The following NOX4 variants were observed in gnomAD, a reference collection of about 807,000 sequenced individuals.
NOX4 encodes kidney oxidase-1.
Under a neutral mutation model 87.6 loss-of-function variants are expected in NOX4, and 69 were observed. The ratio of observed to expected loss-of-function variants is 0.79; its 90% CI spans 0.65 to 0.96. The LOEUF (loss-of-function observed/expected upper bound fraction) is 0.96. NOX4 is among the 40% of genes least tolerant of loss of function. NOX4 has a pLI of 0.00. For missense variants in NOX4, 680 were observed against 681.5 expected (o/e 1.00, Z 0.02); for synonymous variants, 275 against 238.2 (o/e 1.15, Z -1.42).
chr11:89,568,243 C>G, the NOX4 span, among the ~76,000 whole-genome samples: 1 of 151,936 alleles, frequency 6.6e-6, no homozygotes, highest in Admixed American at 6.6e-5. Context: ...TACTAAAATC[C>G]GAGCTGAACT....
the NOX4 span, among the ~76,000 whole-genome samples, chr11:89,514,649 GGTTT>G: frequency 1.1e-4 from 16 of 151,650 alleles, no homozygotes; most frequent in Admixed American, 2.0e-4. Flanking sequence ...TTAAGTTGAG[GGTTT>G]GTTTGTTTGT....
the NOX4 span, among the ~76,000 whole-genome samples, chr11:89,507,330 A>G: frequency 6.6e-6 from 1 of 151,722 alleles, no homozygotes; most frequent in Non-Finnish European, 1.5e-5. Context: ...AATGTTAACT[A>G]TGACTCAGTA....
chr11:89,536,447 T>A, the NOX4 span, among the ~76,000 whole-genome samples: 1 of 152,086 alleles, frequency 6.6e-6, no homozygotes, highest in Non-Finnish European at 1.5e-5. Flanking sequence ...TGCCCAGCGA[T>A]CTGGTCCTTT....
At chr11:89,466,620 G>A (rs1945707990) in intron 2 of NOX4, among the ~76,000 whole-genome samples, 1 of 152,164 alleles carries the variant, frequency 6.6e-6, no homozygotes, top group Non-Finnish European at 1.5e-5. Flanking sequence ...GACACTAGGA[G>A]TTCAATAGTG....
the NOX4 span, among the ~76,000 whole-genome samples, chr11:89,522,355 T>C: frequency 6.6e-6 from 1 of 152,136 alleles, no homozygotes; most frequent in African/African-American, 2.4e-5. Flanking sequence ...ATGTCCCTTG[T>C]AGCAACAAGA....
intron 7 of NOX4, among the ~76,000 whole-genome samples, chr11:89,428,289 T>C (rs1174774537): frequency 6.9e-6 from 1 of 145,118 alleles, no homozygotes; most frequent in Non-Finnish European, 1.5e-5. Flanking sequence ...AGACCATCGA[T>C]GCTAGAAGAA....
the NOX4 span, among the ~76,000 whole-genome samples, chr11:89,512,167 A>G: frequency 6.6e-6 from 1 of 152,070 alleles, no homozygotes; most frequent in Non-Finnish European, 1.5e-5. Context: ...CATTTTAAAG[A>G]GTTTGGACAT....
intron 12 of NOX4, among the ~76,000 whole-genome samples, chr11:89,370,364 A>G (rs552335514): frequency 6.6e-6 from 1 of 151,918 alleles, no homozygotes; most frequent in East Asian, 1.9e-4. Flanking sequence ...TACATTAATT[A>G]CATGTGGATG....
intron 11 of NOX4, among the ~76,000 whole-genome samples, chr11:89,375,652 T>A (rs1018353663): frequency 3.9e-5 from 6 of 152,204 alleles, no homozygotes; most frequent in African/African-American, 1.4e-4. Context: ...AGTTTTGTCA[T>A]CAGTAAATCT....
chr11:89,368,622 G>T (rs540635587), intron 12 of NOX4, among the ~76,000 whole-genome samples: 2 of 152,144 alleles, frequency 1.3e-5, no homozygotes, highest in African/African-American at 2.4e-5. Flanking sequence ...ATCCATGAGG[G>T]CTTTATTCTC....
chr11:89,512,757 A>G, the NOX4 span, among the ~76,000 whole-genome samples: 1 of 152,104 alleles, frequency 6.6e-6, no homozygotes, highest in Admixed American at 6.6e-5. Flanking sequence ...TCACTTGACC[A>G]TTAAATTCTT....
At chr11:89,468,697 C>T (rs1945806585) in intron 2 of NOX4, among the ~76,000 whole-genome samples, 1 of 152,022 alleles carries the variant, frequency 6.6e-6, no homozygotes, top group African/African-American at 2.4e-5. Context: ...ATTCTGTATT[C>T]TTATATTTTT....
chr11:89,340,765 G>T (rs561729574), intron 14 of NOX4, among the ~76,000 whole-genome samples: 23 of 152,124 alleles, frequency 1.5e-4, no homozygotes, highest in Non-Finnish European at 2.9e-4. Flanking sequence ...TAGGCTTGAG[G>T]TTAAGAAAAT....
intron 2 of NOX4, among the ~76,000 whole-genome samples, chr11:89,465,945 G>C (rs1486871908): frequency 6.6e-6 from 1 of 151,622 alleles, no homozygotes; most frequent in Non-Finnish European, 1.5e-5. Flanking sequence ...ACTCTGATGG[G>C]ATCTGATTAA....
rs184031566 is a variant in NOX4 at position 89,472,245 on chromosome 11, T to C, written c.153+18213A>G. On this transcript the variant is annotated intron_variant, in intron 2 of 17. Coordinates refer to ENST00000263317, the MANE Select transcript of NOX4 (RefSeq NM_016931.5). Reference sequence around the variant, plus strand: ...TCATGTATGTACCTTAATGCCATAATAAACCATAATTCATTCCAAATGATC... The same window carrying C: ...TCATGTATGTACCTTAATGCCATAACAAACCATAATTCATTCCAAATGATC... Among the ~76,000 whole-genome samples, 458 of 152,284 alleles carry C rather than the reference T, an allele frequency of 3.0e-3. 3 individuals are homozygous for C. Among genetic ancestry groups the C allele is most frequent in the African/African-American group, 9.3e-3 (387 of 41,562 alleles).
chr11:89,402,244 C>G (rs1026774551), intron 9 of NOX4, 82 bp downstream of exon 9: 2 of 1,036,088 alleles, frequency 1.9e-6, no homozygotes, highest in African/African-American at 1.6e-5. Context: ...GAATATATAG[C>G]TTGAAAAACA....
At position 89,333,112 on chromosome 11, in the gene NOX4, T is replaced by C. The variant is rs530863591; in HGVS notation, c.1616+2733A>G. Among the ~76,000 whole-genome samples, 7 of 151,972 alleles carry C rather than the reference T, an allele frequency of 4.6e-5. No individual in the cohort carries two copies. In the South Asian group the frequency reaches 1.4e-3, roughly 31 times the overall value. Reference sequence around the variant, plus strand: ...AAAGATAATTACCACAGCACTATTTTTAACTGTAAAGAAATATAAGTTATC... The same window carrying C: ...AAAGATAATTACCACAGCACTATTTCTAACTGTAAAGAAATATAAGTTATC... On this transcript the variant is annotated intron_variant, in intron 17 of 17. Coordinates refer to ENST00000263317, the MANE Select transcript of NOX4 (RefSeq NM_016931.5).
the NOX4 span, among the ~76,000 whole-genome samples, chr11:89,509,557 T>G: frequency 6.6e-6 from 1 of 152,022 alleles, no homozygotes; most frequent in African/African-American, 2.4e-5. Flanking sequence ...AAATGAGTAG[T>G]GATTGTAAGA....
At position 89,341,124 on chromosome 11, in the gene NOX4, C is replaced by CTT. The variant is rs994563200; in HGVS notation, c.1337+948_1337+949dup. Among the ~76,000 whole-genome samples, 912 of 123,930 alleles carry CTT rather than the reference C, an allele frequency of 7.4e-3. 20 individuals carry two copies. The highest frequency in any genetic ancestry group is 0.027 in the African/African-American group (861 of 31,554). The allele number at this position is 123,930 out of a possible 152,430, so 81.3% of individuals were successfully genotyped here. A position where few individuals can be genotyped will look rare whatever the true frequency, so the allele number is the denominator to read the frequency against. On this transcript the variant is annotated intron_variant, in intron 14 of 17. Coordinates refer to ENST00000263317, the MANE Select transcript of NOX4 (RefSeq NM_016931.5). ...GTATTTCCTGGTCAGACAATTTCAC[C>CTT]TTTTTTTTTTTTTTTTTTGGCAGAG...
Sources: allele counts gnomAD v4.1 joint callset (sites outside exome capture counted in the v4.1 genomes callset), GRCh38; gene constraint gnomAD v4.1.1; transcripts MANE v1.5; gene names NCBI Gene and HGNC (gene_info 2026-07-23, HGNC 2026-07-21).